The following LRCH3 variants were observed in gnomAD, a reference collection of about 807,000 sequenced individuals.
LRCH3 encodes the protein DISP complex protein LRCH3.
Under a neutral mutation model 104.5 loss-of-function variants are expected in LRCH3, and 68 were observed. That is an observed-to-expected ratio of 0.65 (90% CI 0.54 to 0.80). LRCH3 has a LOEUF of 0.80. LRCH3 is among the 30% of genes least tolerant of loss of function. LRCH3 has a pLI of 0.00. For missense variants in LRCH3, 951 were observed against 953.9 expected, an observed-to-expected ratio of 1.00 and a Z score of 0.04; for synonymous variants, 344 against 361.3, an observed-to-expected ratio of 0.95 and a Z score of 0.54.
At chr3:197,880,476 T>C (rs570171640) in intron 20 of LRCH3, 3 of 1,481,780 alleles carry the variant, frequency 2.0e-6, no homozygotes, top group Non-Finnish European at 2.7e-6. Flanking sequence ...CTGACTTTGT[T>C]TTTCTGTTTT....
chr3:197,879,951 T>TG (rs1218394776), intron 20 of LRCH3, among the ~76,000 whole-genome samples: 50 of 139,980 alleles, frequency 3.6e-4, no homozygotes, highest in African/African-American at 1.5e-3. Context: ...TATTGTATTT[T>TG]TTTTTTTTTT....
At chr3:197,833,198 A>G (rs1471771963) in intron 8 of LRCH3, among the ~76,000 whole-genome samples, 1 of 152,046 alleles carries the variant, frequency 6.6e-6, no homozygotes, top group Non-Finnish European at 1.5e-5. Context: ...GCCACTAGCC[A>G]CATGTGATAA....
chr3:197,878,943 A>G (rs906274940), intron 20 of LRCH3, among the ~76,000 whole-genome samples: 4 of 152,348 alleles, frequency 2.6e-5, no homozygotes, highest in Admixed American at 1.3e-4. Context: ...GTCAGATTCT[A>G]TACCCAGGTA....
intron 19 of LRCH3, among the ~76,000 whole-genome samples, chr3:197,872,843 C>T (rs1365853519): frequency 6.6e-6 from 1 of 151,852 alleles, no homozygotes; most frequent in Admixed American, 6.6e-5. Context: ...CAAGACAGAG[C>T]GAGACTCTGT....
rs767189335 is a variant in LRCH3 at position 197,830,882 on chromosome 3, C to T, written c.981+19C>T. 1.3e-6 allele frequency: 2 copies of T among 1,563,730 alleles called. No homozygotes were observed. The highest frequency in any genetic ancestry group is 2.2e-5 in the East Asian group (1 of 44,608). On this transcript the variant is annotated intron_variant, in intron 7 of 20. Transcript: ENST00000425562. ...GAATGAAGTAAGTGTTTTTTATGTT[C>T]CGTGTGTTATAACACCTGATTAAGA... is the stretch of plus-strand genomic sequence containing the variant.
At chr3:197,809,965 G>A (rs1732938150) in intron 1 of LRCH3, among the ~76,000 whole-genome samples, 1 of 152,050 alleles carries the variant, frequency 6.6e-6, no homozygotes, top group African/African-American at 2.4e-5. Context: ...GGGATTATAA[G>A]AGTCATTACA....
At chr3:197,873,918 G>A (rs1712547737) in intron 19 of LRCH3, among the ~76,000 whole-genome samples, 1 of 151,626 alleles carries the variant, frequency 6.6e-6, no homozygotes, top group South Asian at 2.1e-4. Flanking sequence ...CTACTTGGGA[G>A]GCAGAAGCAG....
At chr3:197,878,841 C>T (rs1254954303) in intron 20 of LRCH3, among the ~76,000 whole-genome samples, 1 of 152,216 alleles carries the variant, frequency 6.6e-6, no homozygotes, top group Admixed American at 6.5e-5. Context: ...ACTTAAACAT[C>T]CCCACTTTGC....
intron 16 of LRCH3, 105 bp from the exon 17 acceptor site, chr3:197,866,007 A>C (rs1741439521): frequency 1.2e-6 from 1 of 807,844 alleles, no homozygotes. Context: ...GAATTATTTT[A>C]TATCATTGCC....
intron 10 of LRCH3, among the ~76,000 whole-genome samples, chr3:197,844,374 C>T (rs892045667): frequency 1.3e-5 from 2 of 151,988 alleles, no homozygotes; most frequent in African/African-American, 2.4e-5. Context: ...AGGGTGGTGT[C>T]CTAGAGGCTA....
chr3:197,879,887 A>G (rs1451636139), intron 20 of LRCH3, among the ~76,000 whole-genome samples: 2 of 149,486 alleles, frequency 1.3e-5, no homozygotes, highest in Non-Finnish European at 3.0e-5. Flanking sequence ...TGCTTCACAC[A>G]CACCTCACTA....
intron 17 of LRCH3, among the ~76,000 whole-genome samples, chr3:197,867,921 G>A (rs1275128528): frequency 1.3e-5 from 2 of 152,106 alleles, no homozygotes; most frequent in Non-Finnish European, 2.9e-5. Flanking sequence ...CTACTTGTGG[G>A]GCTGAGGCGG....
At position 197,823,576 on chromosome 3, in the gene LRCH3, C is replaced by T. The variant is rs200283835; in HGVS notation, c.640+3146C>T. The T allele has an allele frequency of 2.6e-4, 40 of 152,244 alleles. No homozygotes were observed. The East Asian group carries it at 6.0e-3, about 23-fold the overall frequency. 9.4% of individuals were successfully genotyped at this position (152,244 alleles called of 1,614,324 possible). A position where few individuals can be genotyped will look rare whatever the true frequency, so the allele number is the denominator to read the frequency against. On this transcript the variant is annotated intron_variant, in intron 4 of 20. Transcript: ENST00000425562. The stretch of plus-strand genomic sequence containing the variant: ...GACCAGAGCTCACCGTAGCCTCGAA[C>T]TCTGTGGGCTGAAGCCATCCTCCCA...
intron 19 of LRCH3, among the ~76,000 whole-genome samples, 157 bp from the exon 20 acceptor site, chr3:197,875,541 C>A (rs1006320602): frequency 6.6e-6 from 1 of 152,124 alleles, no homozygotes; most frequent in African/African-American, 2.4e-5. Context: ...ATAGTCCCAG[C>A]TACTTGGGAG....
In LRCH3 at chr3:197,880,076, G is replaced by A. The variant is rs528741836; in HGVS notation, c.2209-3465G>A. Among the ~76,000 whole-genome samples the A allele has an allele frequency of 2.8e-4, 42 of 151,222 alleles. 1 individual carries two copies. In the South Asian group the frequency reaches 7.3e-3, roughly 26 times the overall value. On this transcript the variant is annotated intron_variant, in intron 20 of 20. Transcript: ENST00000425562. Reference sequence around the variant, plus strand: ...TTCTCCTGCCTCAGCCTCCCGAGTAGCTGGGACTACAGGCGCCCGCCACCA... The same window carrying A: ...TTCTCCTGCCTCAGCCTCCCGAGTAACTGGGACTACAGGCGCCCGCCACCA...
At position 197,857,393 on chromosome 3, in the gene LRCH3, T is replaced by A. The variant is rs899726185; in HGVS notation, c.1645-1441T>A. Among the ~76,000 whole-genome samples, 82 of 145,772 alleles carry A rather than the reference T, an allele frequency of 5.6e-4. 1 individual carries two copies. Among genetic ancestry groups the A allele is most frequent in the African/African-American group, 2.0e-3 (78 of 38,870 alleles). On this transcript the variant is annotated intron_variant, in intron 14 of 20. Transcript: ENST00000425562. ...GCTACCCCTCAAGCTCCTGTTAATA[T>A]CAGTCACACTGACATTCTCTTCCGG...
chr3:197,875,390 C>A (rs553134298), intron 19 of LRCH3, among the ~76,000 whole-genome samples: 2 of 152,320 alleles, frequency 1.3e-5, no homozygotes, highest in Middle Eastern at 3.4e-3. Context: ...GTAGGCTGGG[C>A]ATTTAGCTGA....
chr3:197,832,363 C>T, intron 8 of LRCH3, 46 bp downstream of exon 8: 1 of 1,590,558 alleles, frequency 6.3e-7, no homozygotes, highest in Non-Finnish European at 8.6e-7. Context: ...AACCATTTAA[C>T]TTTTTAAAGT....
chr3:197,808,889 G>C (rs776998877), intron 1 of LRCH3, among the ~76,000 whole-genome samples: 1 of 109,678 alleles, frequency 9.1e-6, no homozygotes, highest in East Asian at 3.4e-4. Flanking sequence ...GGGTGACAGT[G>C]AGACTGTCTC....
Sources: allele counts gnomAD v4.1 joint callset (sites outside exome capture counted in the v4.1 genomes callset), GRCh38; gene constraint gnomAD v4.1.1; transcripts MANE v1.5; gene names NCBI Gene and HGNC (gene_info 2026-07-23, HGNC 2026-07-21).